The following SYT1 variants were observed in gnomAD, a reference collection of about 807,000 sequenced individuals.
SYT1 encodes synaptotagmin 1, also known as synaptotagmin-1.
In SYT1, 8 loss-of-function variants were observed where a neutral mutation model predicts 44.8. The observed-to-expected ratio is 0.18, with a 90% CI of 0.10 to 0.32. The LOEUF is 0.32. SYT1 is among the 10% of genes least tolerant of loss of function. SYT1 has a pLI of 1.00. For missense variants in SYT1, 286 were observed against 509.3 expected (o/e 0.56, Z 4.22); for synonymous variants, 154 against 188.8 (o/e 0.82, Z 1.51).
chr12:79,072,118 A>C (rs1565792767), intron 3 of SYT1, among the ~76,000 whole-genome samples: 1 of 152,140 alleles, frequency 6.6e-6, no homozygotes, highest in East Asian at 1.9e-4. Context: ...TTATCTGTAG[A>C]ATTTCTTATT....
chr12:79,291,812 T>G, intron 5 of SYT1, 196 bp from the exon 6 acceptor site: 2 of 727,098 alleles, frequency 2.8e-6, no homozygotes. Flanking sequence ...TGCTTGCTGA[T>G]TGGGGAAAGA....
At chr12:79,001,033 A>G (rs1870706371) in intron 2 of SYT1, among the ~76,000 whole-genome samples, 1 of 152,142 alleles carries the variant, frequency 6.6e-6, no homozygotes, top group Admixed American at 6.6e-5. Context: ...TACGTTTCTA[A>G]TGTGATTGCC....
At chr12:79,435,444 CA>C (rs1870031441) in intron 9 of SYT1, among the ~76,000 whole-genome samples, 1 of 152,156 alleles carries the variant, frequency 6.6e-6, no homozygotes, top group Non-Finnish European at 1.5e-5. Context: ...GCTGGGACTA[CA>C]GGAGTGAGCC....
chr12:79,370,758 G>A (rs1397118870), intron 9 of SYT1, among the ~76,000 whole-genome samples: 7 of 151,532 alleles, frequency 4.6e-5, no homozygotes, highest in African/African-American at 1.7e-4. Context: ...GCGATATTCC[G>A]TCTCAAAAAA....
intron 4 of SYT1, 91 bp from the exon 5 acceptor site, chr12:79,285,696 G>GA (rs796069313): frequency 2.2e-5 from 22 of 1,015,322 alleles, no homozygotes; most frequent in Non-Finnish European, 3.0e-5. Flanking sequence ...AAATGCAAAT[G>GA]AAAAAAATGA....
At chr12:79,313,907 C>T (rs997965477) in intron 8 of SYT1, among the ~76,000 whole-genome samples, 1 of 148,878 alleles carries the variant, frequency 6.7e-6, no homozygotes, top group Non-Finnish European at 1.5e-5. Flanking sequence ...CGGTGGCTCA[C>T]GCCTGTAATT....
At chr12:79,001,623 T>C (rs1870747965) in intron 2 of SYT1, among the ~76,000 whole-genome samples, 1 of 152,196 alleles carries the variant, frequency 6.6e-6, no homozygotes, top group Non-Finnish European at 1.5e-5. Context: ...AATTGCTTTG[T>C]GAAGTGCTTT....
At chr12:79,274,575 G>A (rs901750078) in intron 4 of SYT1, among the ~76,000 whole-genome samples, 1 of 152,120 alleles carries the variant, frequency 6.6e-6, no homozygotes, top group Non-Finnish European at 1.5e-5. Flanking sequence ...GCGCAAACTT[G>A]GCTCACCCAA....
chr12:79,064,590 T>A (rs916412946), intron 3 of SYT1, among the ~76,000 whole-genome samples: 1 of 152,160 alleles, frequency 6.6e-6, no homozygotes, highest in Non-Finnish European at 1.5e-5. Context: ...CTCTTTTATA[T>A]GTTTTTATAA....
intron 9 of SYT1, among the ~76,000 whole-genome samples, chr12:79,381,468 G>T (rs11114027): frequency 0.12 from 18,400 of 152,250 alleles, 1,173 homozygotes; most frequent in Non-Finnish European, 0.14. Context: ...GCATCTCTGT[G>T]TACTTACTTC....
intron 1 of SYT1, among the ~76,000 whole-genome samples, chr12:78,962,335 T>C (rs1879552280): frequency 6.7e-6 from 1 of 148,726 alleles, no homozygotes; most frequent in South Asian, 2.1e-4. Flanking sequence ...ATTCTTTCTT[T>C]TTTTTTTTTT....
At chr12:78,967,240 T>C (rs946670852) in intron 1 of SYT1, among the ~76,000 whole-genome samples, 12 of 152,160 alleles carry the variant, frequency 7.9e-5, no homozygotes, top group African/African-American at 2.9e-4. Flanking sequence ...CTGACATGTA[T>C]ACAATCAACT....
chr12:78,903,308 T>G (rs1394705154), intron 1 of SYT1, among the ~76,000 whole-genome samples: 1 of 151,650 alleles, frequency 6.6e-6, no homozygotes, highest in Non-Finnish European at 1.5e-5. Context: ...ATTTTTGAGA[T>G]GGAGTCTCAC....
chr12:78,957,665 C>T (rs1312376503), intron 1 of SYT1, among the ~76,000 whole-genome samples: 2 of 152,060 alleles, frequency 1.3e-5, no homozygotes, highest in Non-Finnish European at 2.9e-5. Context: ...AGTCAAATAG[C>T]GTGCTGAACT....
intron 1 of SYT1, among the ~76,000 whole-genome samples, chr12:78,956,274 A>T (rs1310150858): frequency 1.3e-5 from 2 of 152,128 alleles, no homozygotes; most frequent in African/African-American, 4.8e-5. Flanking sequence ...TTAACATAAG[A>T]TATTAATATA....
chr12:79,141,333 T>A (rs1225959663), intron 3 of SYT1, among the ~76,000 whole-genome samples: 1 of 152,150 alleles, frequency 6.6e-6, no homozygotes, highest in African/African-American at 2.4e-5. Context: ...CTTTATTTCT[T>A]CAAAATTATA....
At chr12:78,984,191 A>G (rs1441095868) in intron 2 of SYT1, among the ~76,000 whole-genome samples, 3 of 151,768 alleles carry the variant, frequency 2.0e-5, no homozygotes, top group African/African-American at 4.8e-5. Flanking sequence ...TTAGATTTTA[A>G]AACTTCTCAA....
At position 79,292,006 on chromosome 12, in the gene SYT1, A is replaced by G. The variant is rs760764002; in HGVS notation, c.352-2A>G. 1 of 1,613,604 alleles carries G rather than the reference A, an allele frequency of 6.2e-7. No homozygotes were observed. The highest frequency in any genetic ancestry group is 8.5e-7 in the Non-Finnish European group (1 of 1,179,950). The stretch of plus-strand genomic sequence containing the variant: ...CACATGTGATCCTTTCTCTATACAT[A>G]GGCCCTCAAGGATGATGATGCTGAA... On this transcript the variant is annotated splice_acceptor_variant, in intron 5 of 10. Coordinates refer to ENST00000261205, the MANE Select transcript of SYT1 (RefSeq NM_005639.3). LOFTEE classifies it high-confidence loss of function.
At chr12:79,276,661 C>A (rs2138792212) in intron 4 of SYT1, among the ~76,000 whole-genome samples, 1 of 144,878 alleles carries the variant, frequency 6.9e-6, no homozygotes, top group South Asian at 2.2e-4. Flanking sequence ...GGTGACAGAG[C>A]AAGACTCCAT....
Sources: allele counts gnomAD v4.1 joint callset (sites outside exome capture counted in the v4.1 genomes callset), GRCh38; gene constraint gnomAD v4.1.1; transcripts MANE v1.5; gene names NCBI Gene and HGNC (gene_info 2026-07-23, HGNC 2026-07-21).